The following CHCHD6 variants were observed in gnomAD, a reference collection of about 807,000 sequenced individuals.
The protein encoded by CHCHD6 is MICOS complex subunit MIC25.
A neutral mutation model predicts 32.3 loss-of-function variants in CHCHD6; 28 were observed. That is an observed-to-expected ratio of 0.87 (90% CI 0.64 to 1.19). CHCHD6 has a LOEUF of 1.19. Among genes scored for constraint, CHCHD6 ranks in the 50% most tolerant of loss-of-function variants. The pLI is 0.00. For synonymous variants in CHCHD6, 122 were observed against 117.5 expected (o/e 1.04, Z -0.25); for missense variants, 333 against 307.0 (o/e 1.08, Z -0.63).
chr3:126,850,740 G>A (rs1038484123), intron 4 of CHCHD6, among the ~76,000 whole-genome samples: 6 of 152,270 alleles, frequency 3.9e-5, no homozygotes, highest in African/African-American at 1.4e-4. Context: ...TTTACTGGCT[G>A]TTTAATTGCA....
At chr3:126,766,923 A>G (rs111429600) in intron 4 of CHCHD6, 20 of 1,046,006 alleles carry the variant, frequency 1.9e-5, no homozygotes, top group African/African-American at 1.1e-4. Context: ...GGCCATAGCC[A>G]CTGAAGCCCC....
intron 4 of CHCHD6, among the ~76,000 whole-genome samples, chr3:126,761,775 C>T (rs1937170133): frequency 1.3e-5 from 2 of 152,182 alleles, no homozygotes; most frequent in South Asian, 4.1e-4. Context: ...CTGAAGCCAT[C>T]TGGTTCTGGA....
chr3:126,799,466 C>T (rs1159604389), intron 4 of CHCHD6, among the ~76,000 whole-genome samples: 1 of 152,176 alleles, frequency 6.6e-6, no homozygotes, highest in Non-Finnish European at 1.5e-5. Context: ...TTTCAGAGTA[C>T]TCCTGTGATA....
At chr3:126,793,677 C>CA (rs1340887974) in intron 4 of CHCHD6, among the ~76,000 whole-genome samples, 1 of 152,176 alleles carries the variant, frequency 6.6e-6, no homozygotes, top group African/African-American at 2.4e-5. Flanking sequence ...TCATTCCAAA[C>CA]ATGTTCTCAG....
intron 6 of CHCHD6, among the ~76,000 whole-genome samples, chr3:126,940,635 C>A (rs892875894): frequency 2.6e-5 from 4 of 152,104 alleles, no homozygotes; most frequent in African/African-American, 7.2e-5. Flanking sequence ...GACCTGCTAA[C>A]CCTTCAAAAG....
intron 4 of CHCHD6, among the ~76,000 whole-genome samples, chr3:126,820,411 T>G (rs1315299660): frequency 6.6e-6 from 1 of 152,176 alleles, no homozygotes; most frequent in Non-Finnish European, 1.5e-5. Flanking sequence ...GAACCGCTAC[T>G]TGGACCTCTG....
chr3:126,948,916 C>T (rs1576640478), intron 6 of CHCHD6, among the ~76,000 whole-genome samples: 1 of 152,362 alleles, frequency 6.6e-6, no homozygotes, highest in Middle Eastern at 3.4e-3. Flanking sequence ...ATACCTTTCA[C>T]TGGGCCCATG....
intron 5 of CHCHD6, among the ~76,000 whole-genome samples, chr3:126,881,598 C>T (rs2077611175): frequency 6.6e-6 from 1 of 152,162 alleles, no homozygotes; most frequent in Non-Finnish European, 1.5e-5. Flanking sequence ...GTCGTTGCAT[C>T]TCAAGATTGC....
At chr3:126,936,356 C>A (rs1326801209) in intron 6 of CHCHD6, among the ~76,000 whole-genome samples, 1 of 152,184 alleles carries the variant, frequency 6.6e-6, no homozygotes, top group Non-Finnish European at 1.5e-5. Context: ...TAGTCCTGGG[C>A]TGCCACATCC....
At chr3:126,843,229 T>C (rs1006541743) in intron 4 of CHCHD6, among the ~76,000 whole-genome samples, 1 of 152,226 alleles carries the variant, frequency 6.6e-6, no homozygotes, top group Non-Finnish European at 1.5e-5. Context: ...TACGTTGTTA[T>C]GCTAGCATCC....
intron 5 of CHCHD6, among the ~76,000 whole-genome samples, chr3:126,903,134 C>T (rs971496299): frequency 6.6e-6 from 1 of 152,214 alleles, no homozygotes. Flanking sequence ...GACTGAGCAT[C>T]TCCAACACTA....
chr3:126,878,486 G>A lies in CHCHD6; in HGVS notation c.495+25756G>A, dbSNP rs563903649. ...AAAGGGCTCCCACGAGCCACACTTAGAATGCACAGTGAATAATGACAGAAA... is the reference window on the plus strand; with the variant it reads ...AAAGGGCTCCCACGAGCCACACTTAAAATGCACAGTGAATAATGACAGAAA... On this transcript the variant is annotated intron_variant, in intron 5 of 7. Transcript: ENST00000290913. Among the ~76,000 whole-genome samples, 6 of 152,366 alleles carry A rather than the reference G, an allele frequency of 3.9e-5. No homozygotes were observed. The East Asian group carries it at 9.6e-4, about 24-fold the overall frequency.
In CHCHD6 at chr3:126,791,478, G is replaced by T. The variant is rs1200976595; in HGVS notation, c.411+58256G>T. Among the ~76,000 whole-genome samples the T allele has an allele frequency of 2.6e-5, 4 of 152,254 alleles. No homozygotes were observed. In the East Asian group the frequency reaches 7.7e-4, roughly 29 times the overall value. ...AGCTGCAGTGGGCTCCACCCAGTTC[G>T]ACCTTCCTGGCCTCTTTGTTTACCT... On this transcript the variant is annotated intron_variant, in intron 4 of 7. Transcript: ENST00000290913.
In CHCHD6 at chr3:126,860,493, G is replaced by A. The variant is rs943139447; in HGVS notation, c.495+7763G>A. Among the ~76,000 whole-genome samples the A allele has an allele frequency of 7.2e-5, 11 of 152,074 alleles. No individual in the cohort carries two copies. The East Asian group carries it at 9.6e-4, about 13-fold the overall frequency. ...GATAGCATTAGGAGATATACCTAAC[G>A]TAAATGATGAGTTAATGGGTGCAGC... On this transcript the variant is annotated intron_variant, in intron 5 of 7. Transcript: ENST00000290913.
At chr3:126,777,940 A>T (rs190834324) in intron 4 of CHCHD6, among the ~76,000 whole-genome samples, 10 of 152,024 alleles carry the variant, frequency 6.6e-5, no homozygotes, top group African/African-American at 2.4e-4. Context: ...ATTTCCCACA[A>T]CCCTTAGTCC....
chr3:126,775,212 C>T (rs1369695744), intron 4 of CHCHD6, among the ~76,000 whole-genome samples: 3 of 152,178 alleles, frequency 2.0e-5, no homozygotes, highest in Non-Finnish European at 2.9e-5. Context: ...TTCCAGTTTA[C>T]GTTCCTACCA....
intron 4 of CHCHD6, among the ~76,000 whole-genome samples, chr3:126,743,627 G>A (rs1361153040): frequency 6.6e-6 from 1 of 152,132 alleles, no homozygotes; most frequent in Non-Finnish European, 1.5e-5. Context: ...GCCTCTTGAG[G>A]GTCCAGGCTG....
chr3:126,894,772 G>T (rs2107579908), intron 5 of CHCHD6, among the ~76,000 whole-genome samples: 1 of 152,334 alleles, frequency 6.6e-6, no homozygotes. Context: ...TACAGCTGCA[G>T]CAGGAGCAGC....
intron 4 of CHCHD6, among the ~76,000 whole-genome samples, chr3:126,819,174 G>T (rs1360795215): frequency 6.6e-6 from 1 of 152,146 alleles, no homozygotes; most frequent in African/African-American, 2.4e-5. Context: ...CTGGTTTCTG[G>T]CTTTTTTTCC....
Sources: gnomAD v4.1 joint callset for allele counts (sites outside exome capture counted in the v4.1 genomes callset) on GRCh38, gnomAD v4.1.1 for gene constraint, MANE v1.5 for transcripts, NCBI Gene and HGNC (gene_info 2026-07-23, HGNC 2026-07-21) for gene names.